Variants in CEP295 observed in about 807,000 individuals in gnomAD.
CEP295 encodes centrosomal protein of 295 kDa.
Under a neutral mutation model 291.6 loss-of-function variants are expected in CEP295, and 190 were observed. The observed-to-expected ratio is 0.65, with a 90% CI of 0.58 to 0.73. CEP295 has a LOEUF of 0.73. CEP295 is among the 30% of genes least tolerant of loss of function. The probability of loss-of-function intolerance (pLI) is 0.00; values close to 1 mark genes in which losing one functional copy is unlikely to be tolerated. For missense variants in CEP295, 2,863 were observed against 2,949.4 expected (o/e 0.97, Z 0.68); for synonymous variants, 993 against 1,038.8 (o/e 0.96, Z 0.85).
At chr11:93,695,459 G>C in intron 12 of CEP295, 38 bp from the exon 13 acceptor site, 2 of 1,325,758 alleles carry the variant, frequency 1.5e-6, no homozygotes, top group Non-Finnish European at 2.0e-6. Context: ...CTTTGTATGA[G>C]TTTGTTGTTA....
intron 3 of CEP295, 58 bp from the exon 4 acceptor site, chr11:93,668,750 G>T: frequency 8.2e-7 from 1 of 1,214,224 alleles, no homozygotes; most frequent in South Asian, 1.4e-5. Context: ...GATATCATAT[G>T]AGACACATTT....
Position 93,697,235 on chromosome 11 carries a change from A to C in CEP295, c.2323A>C (p.Asn775His). Residue 775 changes from asparagine to histidine, a missense_variant, in exon 15 of 30, where the codon AAT (asparagine) becomes CAT (histidine). By Grantham distance (68) the Asn-to-His change is moderately conservative. Coordinates refer to ENST00000325212, the MANE Select transcript of CEP295 (RefSeq NM_033395.2). ...ACAATTGTTCTCAGAGAATAGTGAAAATATATCTTACCATTTAACTGAACC... is the reference window on the plus strand; with the variant it reads ...ACAATTGTTCTCAGAGAATAGTGAACATATATCTTACCATTTAACTGAACC... ...SQQLFSENSE[N>H]ISYHLTEPSS... 1 of 1,551,696 alleles carries C rather than the reference A, an allele frequency of 6.4e-7. No homozygotes were observed. Among genetic ancestry groups the C allele is most frequent in the Non-Finnish European group, 8.7e-7 (1 of 1,146,956 alleles).
At chr11:93,726,738 T>G (rs1207160266) in intron 23 of CEP295, 1 of 364,856 alleles carries the variant, frequency 2.7e-6, no homozygotes, top group Admixed American at 4.3e-5. Context: ...ATCCTCAGTT[T>G]ATAGCCATAT....
chr11:93,700,262 GT>G, intron 15 of CEP295, 76 bp downstream of exon 15: 2 of 1,247,136 alleles, frequency 1.6e-6, no homozygotes, highest in Non-Finnish European at 2.2e-6. Context: ...AGGATTACAA[GT>G]TTTCAGTTAT....
intron 23 of CEP295, among the ~76,000 whole-genome samples, chr11:93,726,351 C>T (rs1954135426): frequency 6.6e-6 from 1 of 152,204 alleles, no homozygotes; most frequent in Admixed American, 6.5e-5. Flanking sequence ...TCAGGCTGGT[C>T]TAGAACTCCC....
Position 93,698,787 on chromosome 11 carries a change from T to C in CEP295, c.3875T>C (p.Ile1292Thr). ...GAACAAACTGGTTCATCTTCATTCATACCCCAGTTGGTACAGCTTTCATTT... is the reference window on the plus strand; with the variant it reads ...GAACAAACTGGTTCATCTTCATTCACACCCCAGTTGGTACAGCTTTCATTT... ...SSEQTGSSSF[I>T]PQLVQLSFTS... The change falls in exon 15 of 30, where the codon ATA becomes ACA. Residue 1292 changes from isoleucine to threonine, a missense_variant. Coordinates refer to ENST00000325212, the MANE Select transcript of CEP295 (RefSeq NM_033395.2). 1 of 1,551,752 alleles carries C rather than the reference T, an allele frequency of 6.4e-7. No individual in the cohort carries two copies. The highest frequency in any genetic ancestry group is 1.7e-4 in the Middle Eastern group (1 of 5,992).
Position 93,730,266 on chromosome 11 carries a change from C to T in CEP295, c.7803C>T (p.Cys2601=). Residue 2601 remains cysteine, a synonymous_variant, in exon 30 of 30, where the codon TGC becomes TGT. Coordinates refer to ENST00000325212, the MANE Select transcript of CEP295 (RefSeq NM_033395.2). ...AGAAACTTCGAGCCAAAAATACATG[C>T]TGACTTTCTAGAAATAGTGTAAAGG... ...TLEKLRAKNT[C] The T allele has an allele frequency of 6.5e-7, 1 of 1,546,094 alleles. No individual in the cohort carries two copies. The highest frequency in any genetic ancestry group is 8.8e-7 in the Non-Finnish European group (1 of 1,142,588).
intron 5 of CEP295, among the ~76,000 whole-genome samples, chr11:93,673,147 A>G (rs1452153597): frequency 1.3e-5 from 2 of 152,184 alleles, no homozygotes; most frequent in Non-Finnish European, 2.9e-5. Flanking sequence ...TTCTTACTGA[A>G]CTTTAATATT....
chr11:93,682,998 A>G (rs184779449), intron 7 of CEP295, among the ~76,000 whole-genome samples: 7 of 152,340 alleles, frequency 4.6e-5, no homozygotes, highest in Admixed American at 3.9e-4. Flanking sequence ...TCATTAAAAC[A>G]CTGATTAAAC....
At chr11:93,663,404 G>T (rs1340135663) in intron 1 of CEP295, among the ~76,000 whole-genome samples, 1 of 152,136 alleles carries the variant, frequency 6.6e-6, no homozygotes, top group African/African-American at 2.4e-5. Flanking sequence ...ATATTTGCAG[G>T]TTTACTCCCA....
chr11:93,668,719 C>T (rs1467738903), intron 3 of CEP295, 89 bp from the exon 4 acceptor site: 1 of 1,005,588 alleles, frequency 9.9e-7, no homozygotes, highest in Admixed American at 3.1e-5. Flanking sequence ...AAGAAGATGA[C>T]AAAATTGATA....
intron 5 of CEP295, among the ~76,000 whole-genome samples, chr11:93,673,505 A>G (rs1356947927): frequency 6.6e-6 from 1 of 150,588 alleles, no homozygotes; most frequent in Non-Finnish European, 1.5e-5. Context: ...TTTATTTTTT[A>G]TTTTTTGAGA....
chr11:93,692,005 T>C lies in CEP295; in HGVS notation c.1508T>C (p.Ile503Thr). 2 of 1,527,418 alleles carry C rather than the reference T, an allele frequency of 1.3e-6. No homozygotes were observed. The highest frequency in any genetic ancestry group is 1.8e-6 in the Non-Finnish European group (2 of 1,125,584). 94.6% of individuals were successfully genotyped at this position (1,527,418 alleles called of 1,614,324 possible). ...CATCCTCAAGAAGCAGCAGCCAGGATTAGAATGTCAGCAAGGCAGAAACAG... is the reference window on the plus strand; with the variant it reads ...CATCCTCAAGAAGCAGCAGCCAGGACTAGAATGTCAGCAAGGCAGAAACAG... ...LLHPQEAAARIRMSARQKQIM... is the reference protein window; with the variant it reads ...LLHPQEAAARTRMSARQKQIM... Residue 503 changes from isoleucine (I) to threonine (T), a missense_variant, in exon 12 of 30, where the codon ATT (isoleucine) becomes ACT (threonine). By Grantham distance (89) the Ile-to-Thr change is moderately conservative. Around this residue, in one of 3 missense-constraint regions of CEP295, gnomAD observed 14 missense variants for 37.7 expected, o/e 0.37. Coordinates refer to ENST00000325212, the MANE Select transcript of CEP295 (RefSeq NM_033395.2).
At chr11:93,700,230 A>T (rs1952067259) in intron 15 of CEP295, 44 bp downstream of exon 15, 1 of 1,456,484 alleles carries the variant, frequency 6.9e-7, no homozygotes, top group Non-Finnish European at 9.1e-7. Flanking sequence ...AGAAGTTTAA[A>T]CCCAAATCAG....
chr11:93,688,657 C>A (rs1951367335), intron 10 of CEP295, among the ~76,000 whole-genome samples: 1 of 152,106 alleles, frequency 6.6e-6, no homozygotes, highest in African/African-American at 2.4e-5. Flanking sequence ...CATTGTTAGT[C>A]GTTGGTTAGT....
Position 93,724,235 on chromosome 11 carries a change from G to T in CEP295, c.6197-19G>T, listed in dbSNP as rs1441068661. The T allele has an allele frequency of 6.5e-7, 1 of 1,538,242 alleles. No individual in the cohort carries two copies. The highest frequency in any genetic ancestry group is 1.2e-5 in the South Asian group (1 of 80,654). ...TTTTTTTCCCTCAAAAATTCTAACA[G>T]TTGACCTTGACTTTCCAGAATTGGA... On this transcript the variant is annotated intron_variant, in intron 21 of 29. Coordinates refer to ENST00000325212, the MANE Select transcript of CEP295 (RefSeq NM_033395.2).
chr11:93,688,671 C>G (rs4303195), intron 10 of CEP295, among the ~76,000 whole-genome samples: 139,805 of 152,140 alleles, frequency 0.92, 65,050 homozygotes, highest in East Asian at 0.99. Flanking sequence ...GGTTAGTCTA[C>G]AGCTCATTCC....
At chr11:93,729,268 C>T in intron 25 of CEP295, 166 bp from the exon 26 acceptor site, 1 of 623,684 alleles carries the variant, frequency 1.6e-6, no homozygotes, top group Non-Finnish European at 2.8e-6. Flanking sequence ...AACCCAATCC[C>T]TACAAAAAAT....
chr11:93,729,395 G>A (rs752589777), intron 25 of CEP295, 39 bp from the exon 26 acceptor site: 55 of 1,388,042 alleles, frequency 4.0e-5, no homozygotes, highest in Middle Eastern at 1.9e-4. Flanking sequence ...CGCTTAAAGC[G>A]TTTAAAAAGA....
Sources: gnomAD v4.1 joint callset for allele counts (sites outside exome capture counted in the v4.1 genomes callset) on GRCh38, gnomAD v4.1.1 for gene constraint, gnomAD v4.1.1 regional missense constraint, MANE v1.5 for transcripts, NCBI Gene and HGNC (gene_info 2026-07-23, HGNC 2026-07-21) for gene names.